DGKI: variants seen among roughly 807,000 people sequenced by gnomAD.
The protein encoded by DGKI is DAG kinase iota.
DGKI carries 55 observed loss-of-function variants against 147.5 expected under a neutral mutation model. The ratio of observed to expected loss-of-function variants is 0.37; its 90% CI spans 0.30 to 0.47. The LOEUF (loss-of-function observed/expected upper bound fraction) is 0.47. Among genes scored for constraint, DGKI ranks in the 20% least tolerant of loss-of-function variants. The probability of loss-of-function intolerance (pLI) is 1.00; values close to 1 mark genes in which losing one functional copy is unlikely to be tolerated. For synonymous variants in DGKI, 469 were observed against 477.1 expected (o/e 0.98, Z 0.22); for missense variants, 1,007 against 1,323.8 (o/e 0.76, Z 3.71).
intron 14 of DGKI, among the ~76,000 whole-genome samples, chr7:137,582,891 A>C (rs1819255145): frequency 6.6e-6 from 1 of 152,192 alleles, no homozygotes; most frequent in Non-Finnish European, 1.5e-5. Context: ...AAGTAAATAA[A>C]GACGAGAAAT....
intron 8 of DGKI, among the ~76,000 whole-genome samples, chr7:137,619,195 A>T (rs1403888749): frequency 3.3e-5 from 5 of 152,246 alleles, no homozygotes; most frequent in Non-Finnish European, 7.3e-5. Flanking sequence ...TTCAAAGATT[A>T]CGACCTTGTC....
At chr7:137,541,564 G>A (rs1270797987) in intron 20 of DGKI, among the ~76,000 whole-genome samples, 1 of 152,064 alleles carries the variant, frequency 6.6e-6, no homozygotes, top group Non-Finnish European at 1.5e-5. Context: ...TCTAAGAAAA[G>A]GGACTCTGGA....
intron 17 of DGKI, among the ~76,000 whole-genome samples, chr7:137,576,053 T>TTTTTA (rs1175528391): frequency 1.7e-4 from 26 of 151,156 alleles, no homozygotes; most frequent in Admixed American, 5.3e-4. Flanking sequence ...CTTTTTTTTT[T>TTTTTA]TTTTAGACGG....
intron 1 of DGKI, among the ~76,000 whole-genome samples, chr7:137,749,319 C>T (rs935185323): frequency 2.6e-5 from 4 of 152,174 alleles, no homozygotes; most frequent in Non-Finnish European, 4.4e-5. Flanking sequence ...TCCCTCCCGG[C>T]TCTTCTTAGC....
At chr7:137,477,077 A>T (rs1340190351) in intron 23 of DGKI, among the ~76,000 whole-genome samples, 2 of 152,182 alleles carry the variant, frequency 1.3e-5, no homozygotes, top group Non-Finnish European at 2.9e-5. Context: ...ATGTCAAACT[A>T]AGCTTCCTGT....
At chr7:137,441,318 G>A (rs1813495352) in intron 28 of DGKI, among the ~76,000 whole-genome samples, 1 of 151,830 alleles carries the variant, frequency 6.6e-6, no homozygotes, top group South Asian at 2.1e-4. Flanking sequence ...CTACTTGGGA[G>A]GCTGAGGCAG....
At chr7:137,502,030 C>G (rs2128942933) in intron 21 of DGKI, among the ~76,000 whole-genome samples, 2 of 152,292 alleles carry the variant, frequency 1.3e-5, no homozygotes, top group South Asian at 4.1e-4. Context: ...TCGCCATTCA[C>G]ATAAGATGTG....
At chr7:137,832,278 C>T (rs1231567323) in intron 1 of DGKI, among the ~76,000 whole-genome samples, 1 of 152,264 alleles carries the variant, frequency 6.6e-6, no homozygotes, top group Non-Finnish European at 1.5e-5. Context: ...CATTTCCCTT[C>T]TGCACTGCCC....
intron 31 of DGKI, chr7:137,395,998 G>T (rs985064424): frequency 3.2e-6 from 1 of 314,958 alleles, no homozygotes; most frequent in African/African-American, 2.1e-5. Context: ...GTATTAAACA[G>T]ACTAATTGTC....
At chr7:137,756,908 T>C (rs913143664) in intron 1 of DGKI, among the ~76,000 whole-genome samples, 4 of 152,190 alleles carry the variant, frequency 2.6e-5, no homozygotes, top group Non-Finnish European at 5.9e-5. Context: ...CAATTTCTCA[T>C]CCAGATATAT....
chr7:137,420,440 A>G (rs1169697345), intron 28 of DGKI, among the ~76,000 whole-genome samples: 1 of 152,188 alleles, frequency 6.6e-6, no homozygotes, highest in Non-Finnish European at 1.5e-5. Context: ...ATGTGCTTTG[A>G]GTCGGAGGGC....
Position 137,723,854 on chromosome 7 carries a change from C to A in DGKI, c.402-33852G>T, listed in dbSNP as rs532892058. Among the ~76,000 whole-genome samples, 99 of 151,950 alleles carry A rather than the reference C, an allele frequency of 6.5e-4. 1 individual carries two copies. Among genetic ancestry groups the A allele is most frequent in the African/African-American group, 2.4e-3 (98 of 41,442 alleles). On this transcript the variant is annotated intron_variant, in intron 1 of 32. Coordinates refer to ENST00000614521, the MANE Select transcript of DGKI (RefSeq NM_001321708.2). ...CCTCCTGAGTAGCTGGGATTACAGG[C>A]ACATATCACCATATCCAGCTAATTT...
chr7:137,606,723 A>G (rs1017188067), intron 10 of DGKI, among the ~76,000 whole-genome samples: 11 of 152,236 alleles, frequency 7.2e-5, no homozygotes, highest in Admixed American at 3.3e-4. Context: ...CAAAGTCTTC[A>G]ACCTGAAGTA....
intron 1 of DGKI, among the ~76,000 whole-genome samples, chr7:137,697,485 A>G (rs1235468785): frequency 2.0e-5 from 3 of 152,224 alleles, no homozygotes; most frequent in African/African-American, 7.2e-5. Context: ...AAAAGTCGGG[A>G]AAGAAATGCC....
intron 20 of DGKI, among the ~76,000 whole-genome samples, chr7:137,523,466 C>G (rs113565932): frequency 0.014 from 2,097 of 151,958 alleles, 54 homozygotes; most frequent in African/African-American, 0.047. Flanking sequence ...CACACACAGA[C>G]AGAGAGAGAG....
intron 31 of DGKI, chr7:137,395,899 G>A (rs1811532383): frequency 5.5e-6 from 3 of 543,406 alleles, no homozygotes; most frequent in Non-Finnish European, 9.9e-6. Flanking sequence ...CATAATATCT[G>A]ACTCTAGCCC....
chr7:137,658,479 T>C (rs577385308), intron 3 of DGKI, among the ~76,000 whole-genome samples: 2 of 152,302 alleles, frequency 1.3e-5, no homozygotes, highest in Non-Finnish European at 2.9e-5. Context: ...GTAAATTACA[T>C]TGTGGATAAG....
chr7:137,795,496 A>T (rs980789222), intron 1 of DGKI, among the ~76,000 whole-genome samples: 1 of 152,374 alleles, frequency 6.6e-6, no homozygotes, highest in Middle Eastern at 3.4e-3. Context: ...TTTTTCCAAA[A>T]GAATCAGGAA....
chr7:137,617,460 T>C (rs1820574523), intron 8 of DGKI, among the ~76,000 whole-genome samples: 1 of 152,150 alleles, frequency 6.6e-6, no homozygotes, highest in Non-Finnish European at 1.5e-5. Flanking sequence ...TAAGGGATTA[T>C]TAACATGACT....
Sources: allele counts gnomAD v4.1 joint callset (sites outside exome capture counted in the v4.1 genomes callset), GRCh38; gene constraint gnomAD v4.1.1; transcripts MANE v1.5; gene names NCBI Gene and HGNC (gene_info 2026-07-23, HGNC 2026-07-21).